RAP1GAP2: variants seen among roughly 807,000 people sequenced by gnomAD.
RAP1GAP2 encodes rap1 GTPase-activating protein 2.
RAP1GAP2 carries 27 observed loss-of-function variants against 95.0 expected under a neutral mutation model. The ratio of observed to expected loss-of-function variants is 0.28; its 90% CI spans 0.21 to 0.39. The LOEUF is 0.39. Among genes scored for constraint, RAP1GAP2 ranks in the 10% least tolerant of loss-of-function variants. The probability of loss-of-function intolerance (pLI) is 1.00; values close to 1 mark genes in which losing one functional copy is unlikely to be tolerated. For missense variants in RAP1GAP2, 771 were observed against 970.0 expected, an observed-to-expected ratio of 0.79 and a Z score of 2.72; for synonymous variants, 373 against 380.9, an observed-to-expected ratio of 0.98 and a Z score of 0.24.
chr17:2,802,160 T>A (rs952370477), intron 2 of RAP1GAP2, among the ~76,000 whole-genome samples: 1 of 152,190 alleles, frequency 6.6e-6, no homozygotes, highest in Non-Finnish European at 1.5e-5. Flanking sequence ...CACTCCCCCA[T>A]CTCGGCAGAA....
chr17:2,921,836 C>T (rs1284954659), intron 3 of RAP1GAP2, among the ~76,000 whole-genome samples: 1 of 152,180 alleles, frequency 6.6e-6, no homozygotes, highest in Non-Finnish European at 1.5e-5. Context: ...CTGGTGGCTC[C>T]AGGCCGGGGA....
intron 1 of RAP1GAP2, among the ~76,000 whole-genome samples, chr17:2,783,152 GTTC>G (rs1054806829): frequency 3.9e-5 from 6 of 152,230 alleles, no homozygotes; most frequent in African/African-American, 1.4e-4. Context: ...ACCCAGACCC[GTTC>G]TTCTGCTGTT....
intron 3 of RAP1GAP2, among the ~76,000 whole-genome samples, chr17:2,937,429 C>A (rs1386897653): frequency 2.0e-5 from 3 of 152,288 alleles, no homozygotes; most frequent in Admixed American, 1.3e-4. Flanking sequence ...GGGCACGCCA[C>A]GTTCCTGAGG....
rs2042070835 is a variant in RAP1GAP2 at position 2,902,861 on chromosome 17, A to G, written c.81-2423A>G. Among the ~76,000 whole-genome samples, 1 of 151,892 alleles carries G rather than the reference A, an allele frequency of 6.6e-6. No individual in the cohort carries two copies. The highest frequency in any genetic ancestry group is 2.4e-5 in the African/African-American group (1 of 41,350). ...GAGTGTTGGATGCTGCGCCCTTTTG[A>G]CCGGGACTCAGGGCCTTGAACAATA... On this transcript the variant is annotated intron_variant, in intron 2 of 24. Transcript: ENST00000254695. This position sits in a 1 kb window ranked among gnomAD's most constrained non-coding sequence, Gnocchi z 4.1.
upstream of RAP1GAP2, among the ~76,000 whole-genome samples, chr17:2,774,422 GT>G (rs199653607): frequency 5.1e-4 from 78 of 151,942 alleles, 1 homozygote; most frequent in East Asian, 0.015. Context: ...GTATTTCTGG[GT>G]GATGGAACGG....
chr17:2,942,836 T>C lies in RAP1GAP2; in HGVS notation c.166-14923T>C, dbSNP rs1314461873. 2.0e-5 allele frequency among the ~76,000 whole-genome samples: 3 copies of C among 152,190 alleles called. No individual in the cohort carries two copies. In the South Asian group the frequency reaches 6.2e-4, roughly 32 times the overall value. On this transcript the variant is annotated intron_variant, in intron 3 of 24. Transcript: ENST00000254695. The stretch of plus-strand genomic sequence containing the variant: ...AGGCTGGAGTGAAGTGGTGTGATAT[T>C]GGCTCACTGCAACCTCCGCCTCCTG...
At chr17:2,798,570 C>G (rs1283984256) in intron 1 of RAP1GAP2, among the ~76,000 whole-genome samples, 1 of 132,844 alleles carries the variant, frequency 7.5e-6, no homozygotes, top group Non-Finnish European at 1.6e-5. Flanking sequence ...AACAGAATCT[C>G]TGGGGCTGGT....
chr17:2,954,396 G>A (rs1214346192), intron 3 of RAP1GAP2, among the ~76,000 whole-genome samples: 3 of 151,872 alleles, frequency 2.0e-5, no homozygotes, highest in Non-Finnish European at 2.9e-5. Flanking sequence ...GAGCCACCAC[G>A]CCTGGCCTTA....
At chr17:3,026,156 C>G (rs1186056342) in intron 20 of RAP1GAP2, 35 bp downstream of exon 20, 1 of 1,513,924 alleles carries the variant, frequency 6.6e-7, no homozygotes, top group African/African-American at 1.4e-5. Context: ...CCAGCTTCGG[C>G]CACGTGGAGC....
intron 8 of RAP1GAP2, among the ~76,000 whole-genome samples, chr17:2,969,357 A>C (rs1193526818): frequency 1.3e-5 from 2 of 151,930 alleles, no homozygotes; most frequent in African/African-American, 2.4e-5. Flanking sequence ...AAGTAAAACA[A>C]AGCAAAAACA....
chr17:2,800,460 A>G, intron 1 of RAP1GAP2, 55 bp from the exon 2 acceptor site: 9 of 1,582,528 alleles, frequency 5.7e-6, no homozygotes, highest in Non-Finnish European at 6.9e-6. Flanking sequence ...TACAGATGCT[A>G]TGTAGGAGTC....
intron 1 of RAP1GAP2, among the ~76,000 whole-genome samples, chr17:2,798,423 G>A (rs979998652): frequency 1.3e-5 from 2 of 152,184 alleles, no homozygotes; most frequent in African/African-American, 2.4e-5. Context: ...TGACGGGATG[G>A]CGGGGCCTTC....
At chr17:2,970,810 C>T (rs1331923385) in intron 8 of RAP1GAP2, among the ~76,000 whole-genome samples, 2 of 152,030 alleles carry the variant, frequency 1.3e-5, no homozygotes, top group South Asian at 2.1e-4. Flanking sequence ...GAGGCTGAGG[C>T]GGGAGGATCA....
chr17:2,825,290 A>G lies in RAP1GAP2; in HGVS notation c.80+24740A>G, dbSNP rs1388753556. Among the ~76,000 whole-genome samples, 1 of 151,998 alleles carries G rather than the reference A, an allele frequency of 6.6e-6. No homozygotes were observed. The highest frequency in any genetic ancestry group is 1.9e-4 in the East Asian group (1 of 5,184). ...CAGCATCTCTCCAGCCTGTCTCCGC[A>G]GGGTTGTTTTTGGCTCATGATTTGG... On this transcript the variant is annotated intron_variant, in intron 2 of 24. Coordinates refer to ENST00000254695, the MANE Select transcript of RAP1GAP2 (RefSeq NM_015085.5). The surrounding 1 kb of genome is among the most constrained non-coding windows in gnomAD (Gnocchi z 4.1).
chr17:2,869,988 A>G (rs1162868156), intron 2 of RAP1GAP2, among the ~76,000 whole-genome samples: 1 of 152,040 alleles, frequency 6.6e-6, no homozygotes, highest in Non-Finnish European at 1.5e-5. Flanking sequence ...CTGCTTTGAG[A>G]TGGGCAGCAG....
rs2042662088 is a variant in RAP1GAP2 at position 2,918,924 on chromosome 17, A to T, written c.165+13556A>T. Among the ~76,000 whole-genome samples, 3 of 152,326 alleles carry T rather than the reference A, an allele frequency of 2.0e-5. No individual in the cohort carries two copies. In the South Asian group the frequency reaches 6.2e-4, roughly 32 times the overall value. On this transcript the variant is annotated intron_variant, in intron 3 of 24. Transcript: ENST00000254695. ...ATGCAGTAAGTGCTACATAAATATT[A>T]GTCATTATTATTCCTCCAAAAAACT...
chr17:2,856,010 A>C (rs1181310779), intron 2 of RAP1GAP2, among the ~76,000 whole-genome samples: 3 of 152,374 alleles, frequency 2.0e-5, no homozygotes, highest in African/African-American at 7.2e-5. Context: ...GGCTGATGCC[A>C]GCGACATGTG....
At chr17:3,006,320 G>A (rs968032541) in intron 16 of RAP1GAP2, among the ~76,000 whole-genome samples, 6 of 151,286 alleles carry the variant, frequency 4.0e-5, no homozygotes, top group Non-Finnish European at 7.4e-5. Flanking sequence ...GTAGAGACAG[G>A]GTTTCCTCCA....
chr17:2,771,651 G>A (rs947492616), intron 2 of RAP1GAP2, among the ~76,000 whole-genome samples: 2 of 151,840 alleles, frequency 1.3e-5, no homozygotes, highest in African/African-American at 4.8e-5. Flanking sequence ...CACCATACCT[G>A]GCTAATTTTT....
Sources: allele counts gnomAD v4.1 joint callset (sites outside exome capture counted in the v4.1 genomes callset), GRCh38; gene constraint gnomAD v4.1.1; non-coding constraint Gnocchi (gnomAD v3.1); transcripts MANE v1.5; gene names NCBI Gene and HGNC (gene_info 2026-07-23, HGNC 2026-07-21).